The following YEATS2 variants were observed in gnomAD, a reference collection of about 807,000 sequenced individuals.
The protein encoded by YEATS2 is YEATS domain-containing protein 2.
Under a neutral mutation model 163.2 loss-of-function variants are expected in YEATS2, and 77 were observed. The observed-to-expected ratio is 0.47, with a 90% CI of 0.39 to 0.57. The LOEUF (loss-of-function observed/expected upper bound fraction) is 0.57, where lower values mean the gene tolerates loss of function less well. YEATS2 is among the 20% of genes least tolerant of loss of function. The pLI is 0.00. For synonymous variants in YEATS2, 631 were observed against 645.1 expected (o/e 0.98, Z 0.33); for missense variants, 1,549 against 1,729.8 (o/e 0.90, Z 1.85).
rs1362844960 is a variant in YEATS2 at position 183,808,112 on chromosome 3, C to T, written c.4086+8C>T. 3.2e-6 allele frequency: 5 copies of T among 1,549,796 alleles called. No individual in the cohort carries two copies. Among genetic ancestry groups the T allele is most frequent in the Non-Finnish European group, 4.4e-6 (5 of 1,145,534 alleles). ...GAGGACATGATCCTGAAGGTGGGTG[C>T]CTGCAGGGGCCGCCAGCCAGGAAGG... is the stretch of plus-strand genomic sequence containing the variant. On this transcript the variant is annotated splice_region_variant and intron_variant, in intron 29 of 30. Transcript: ENST00000305135.
At chr3:183,755,712 G>GT (rs1720655231) in intron 11 of YEATS2, among the ~76,000 whole-genome samples, 1 of 106,600 alleles carries the variant, frequency 9.4e-6, no homozygotes, top group Admixed American at 9.2e-5. Context: ...AAATCTAGCT[G>GT]TTTACTTACT....
At chr3:183,771,086 T>C (rs1224375667) in intron 15 of YEATS2, among the ~76,000 whole-genome samples, 1 of 152,218 alleles carries the variant, frequency 6.6e-6, no homozygotes, top group Non-Finnish European at 1.5e-5. Flanking sequence ...TTTTCAGTTT[T>C]AGCAGATGGG....
At chr3:183,807,342 T>C in intron 28 of YEATS2, 2 of 463,898 alleles carry the variant, frequency 4.3e-6, no homozygotes, top group South Asian at 4.9e-5. Context: ...CATTGCTTGT[T>C]GAACGCAGAC....
rs187815385 is a variant in YEATS2 at position 183,786,269 on chromosome 3, G to C, written c.2881G>C (p.Val961Leu). The C allele has an allele frequency of 1.2e-6, 2 of 1,613,798 alleles. No individual in the cohort carries two copies. Among genetic ancestry groups the C allele is most frequent in the South Asian group, 1.1e-5 (1 of 91,070 alleles). ...TATCACAACTGCCACTTCCCCTGCCGTGGCCCTCTCAGCAAACGGTCCTGC... is the reference window on the plus strand; with the variant it reads ...TATCACAACTGCCACTTCCCCTGCCCTGGCCCTCTCAGCAAACGGTCCTGC... Reference protein sequence around the residue: ...GVITTATSPAVALSANGPAQQ... With the variant: ...GVITTATSPALALSANGPAQQ... The change falls in exon 20 of 31, where the codon GTG becomes CTG. Residue 961 changes from valine (V) to leucine (L), a missense_variant. Transcript: ENST00000305135.
intron 7 of YEATS2, among the ~76,000 whole-genome samples, chr3:183,731,040 G>T (rs1378612614): frequency 2.0e-5 from 3 of 152,164 alleles, no homozygotes; most frequent in Non-Finnish European, 4.4e-5. Context: ...GGTGGCTCAG[G>T]CCTGTAATTC....
chr3:183,776,838 G>A (rs1723047885), intron 18 of YEATS2, among the ~76,000 whole-genome samples: 1 of 151,894 alleles, frequency 6.6e-6, no homozygotes, highest in African/African-American at 2.4e-5. Flanking sequence ...TGTAATCCCA[G>A]CTACTTGGAA....
intron 15 of YEATS2, among the ~76,000 whole-genome samples, chr3:183,771,137 A>G (rs893127348): frequency 1.3e-5 from 2 of 152,192 alleles, no homozygotes; most frequent in African/African-American, 2.4e-5. Context: ...TTATCTTCCT[A>G]CCAACAGTGA....
Position 183,810,598 on chromosome 3 carries a change from C to G in YEATS2, c.*15C>G. 1 of 1,609,294 alleles carries G rather than the reference C, an allele frequency of 6.2e-7. No individual in the cohort carries two copies. The highest frequency in any genetic ancestry group is 8.5e-7 in the Non-Finnish European group (1 of 1,175,960). ...AGGACCAGTGAGCGGAGTGAGGTGC[C>G]CTGGAGAAGCAGGCTTTGAAGGCAC... On this transcript the variant is annotated 3_prime_UTR_variant, in exon 31 of 31. Transcript: ENST00000305135.
chr3:183,764,206 A>G (rs753179744), intron 15 of YEATS2, among the ~76,000 whole-genome samples: 4 of 152,052 alleles, frequency 2.6e-5, no homozygotes, highest in Non-Finnish European at 5.9e-5. Flanking sequence ...AACTGTCTCT[A>G]CCAAAAATAC....
chr3:183,752,857 G>A (rs541934161), intron 10 of YEATS2, among the ~76,000 whole-genome samples: 91 of 151,650 alleles, frequency 6.0e-4, no homozygotes, highest in Non-Finnish European at 1.1e-3. Flanking sequence ...GAGTGCAGTG[G>A]CATGATCTCG....
intron 1 of YEATS2, among the ~76,000 whole-genome samples, chr3:183,700,812 G>A (rs947886971): frequency 6.7e-6 from 1 of 148,254 alleles, no homozygotes; most frequent in African/African-American, 2.5e-5. Context: ...AAAAAGCCAC[G>A]TGCTGTATGA....
chr3:183,754,997 A>G (rs1001441247), intron 11 of YEATS2, among the ~76,000 whole-genome samples: 1 of 152,190 alleles, frequency 6.6e-6, no homozygotes, highest in African/African-American at 2.4e-5. Flanking sequence ...AAGTATGAGG[A>G]CTTCTGTATA....
chr3:183,728,638 T>A lies in YEATS2; in HGVS notation c.651-52T>A, dbSNP rs1560241847. On this transcript the variant is annotated intron_variant, in intron 6 of 30. Transcript: ENST00000305135. Reference sequence around the variant, plus strand: ...TTTAAGTAGGACTTAATTATTTAGTTAGGTTTTTGAAGGACGAAAAGAATT... The same window carrying A: ...TTTAAGTAGGACTTAATTATTTAGTAAGGTTTTTGAAGGACGAAAAGAATT... The A allele has an allele frequency of 2.1e-6, 3 of 1,462,582 alleles. No homozygotes were observed. The Admixed American group carries it at 7.4e-5, about 36-fold the overall frequency. The allele number at this position is 1,462,582 out of a possible 1,614,324, so 90.6% of individuals were successfully genotyped here.
intron 6 of YEATS2, among the ~76,000 whole-genome samples, chr3:183,725,747 G>T (rs1217059535): frequency 2.0e-5 from 3 of 152,238 alleles, no homozygotes; most frequent in East Asian, 1.9e-4. Context: ...TTTGGGTGGG[G>T]ACACAGCCAA....
intron 1 of YEATS2, among the ~76,000 whole-genome samples, chr3:183,709,829 C>T (rs1402287826): frequency 6.6e-6 from 1 of 151,876 alleles, no homozygotes; most frequent in Non-Finnish European, 1.5e-5. Context: ...AGGTGCCCGC[C>T]ACCACGCCCG....
intron 4 of YEATS2, 138 bp downstream of exon 4, chr3:183,718,730 G>T (rs909306797): frequency 5.6e-6 from 4 of 710,974 alleles, no homozygotes; most frequent in Non-Finnish European, 9.0e-6. Flanking sequence ...ACGGAGTCTC[G>T]CTGTGTCACC....
At position 183,808,051 on chromosome 3, in the gene YEATS2, G is replaced by T. The variant is rs761313198; in HGVS notation, c.4033G>T (p.Val1345Leu). Residue 1345 changes from valine to leucine, a missense_variant, in exon 29 of 31, where the codon GTG becomes TTG. By Grantham distance (32) the Val-to-Leu change is conservative. Coordinates refer to ENST00000305135, the MANE Select transcript of YEATS2 (RefSeq NM_018023.5). The stretch of plus-strand genomic sequence containing the variant: ...CCAGATTGGGATCACCCTGCAGCCC[G>T]TGGCACTCCACAGGAACGTGTATGC... Reference protein sequence around the residue: ...TQKIGITLQPVALHRNVYASV... With the variant: ...TQKIGITLQPLALHRNVYASV... 12 of 1,563,516 alleles carry T rather than the reference G, an allele frequency of 7.7e-6. No homozygotes were observed. Among genetic ancestry groups the T allele is most frequent in the Non-Finnish European group, 1.0e-5 (12 of 1,153,310 alleles).
chr3:183,746,114 G>A (rs1719511363), intron 8 of YEATS2, among the ~76,000 whole-genome samples: 1 of 152,144 alleles, frequency 6.6e-6, no homozygotes, highest in African/African-American at 2.4e-5. Context: ...CCAGGCTGGT[G>A]TGCAGTGGGG....
intron 19 of YEATS2, 134 bp downstream of exon 19, chr3:183,777,834 C>G (rs964494728): frequency 8.0e-7 from 1 of 1,252,118 alleles, no homozygotes; most frequent in Non-Finnish European, 1.1e-6. Flanking sequence ...CAGGAGTGGT[C>G]GCTCACGTCT....
Sources: allele counts gnomAD v4.1 joint callset (sites outside exome capture counted in the v4.1 genomes callset), GRCh38; gene constraint gnomAD v4.1.1; transcripts MANE v1.5; gene names NCBI Gene and HGNC (gene_info 2026-07-23, HGNC 2026-07-21).